Variants in KSR2 observed in about 807,000 individuals in gnomAD.
KSR2 encodes the protein kinase suppressor of ras 2.
Under a neutral mutation model 107.8 loss-of-function variants are expected in KSR2, and 25 were observed. The observed-to-expected ratio is 0.23, with a 90% CI of 0.17 to 0.32. The LOEUF (loss-of-function observed/expected upper bound fraction) is 0.32, where lower values mean the gene tolerates loss of function less well. KSR2 is among the 10% of genes least tolerant of loss of function. The probability of loss-of-function intolerance (pLI) is 1.00; values close to 1 mark genes in which losing one functional copy is unlikely to be tolerated. For synonymous variants in KSR2, 480 were observed against 507.0 expected, an observed-to-expected ratio of 0.95 and a Z score of 0.71; for missense variants, 887 against 1,268.9, an observed-to-expected ratio of 0.70 and a Z score of 4.57.
rs186998311 is a variant in KSR2, at chr12:117,817,972, A to G, written c.472+37456T>C. Among the ~76,000 whole-genome samples the G allele has an allele frequency of 1.5e-3, 231 of 152,196 alleles. 1 individual carries two copies. The highest frequency in any genetic ancestry group is 5.3e-3 in the African/African-American group (222 of 41,540). On this transcript the variant is annotated intron_variant, in intron 3 of 19. Transcript: ENST00000339824. ...AAAAATTAGCCAGGCGTGGTGGTGC[A>G]TGCCTGTAATCCCAGCTACTTGGGA...
chr12:117,577,052 G>A (rs1205439641), intron 7 of KSR2, among the ~76,000 whole-genome samples: 2 of 152,144 alleles, frequency 1.3e-5, no homozygotes, highest in African/African-American at 4.8e-5. Flanking sequence ...ACTGCCAGGT[G>A]GAGGATATGG....
intron 4 of KSR2, among the ~76,000 whole-genome samples, chr12:117,727,805 GA>G: frequency 6.6e-6 from 1 of 152,190 alleles, no homozygotes; most frequent in South Asian, 2.1e-4. Flanking sequence ...GCAACCCGAG[GA>G]AACAAATAAA....
chr12:117,526,895 A>G (rs1875205226), intron 13 of KSR2, among the ~76,000 whole-genome samples, 176 bp downstream of exon 13: 1 of 152,164 alleles, frequency 6.6e-6, no homozygotes, highest in African/African-American at 2.4e-5. Context: ...CATTAGACTC[A>G]GTGCTGGGAG....
chr12:117,560,821 C>A (rs1815715560), intron 7 of KSR2, among the ~76,000 whole-genome samples: 1 of 152,068 alleles, frequency 6.6e-6, no homozygotes, highest in African/African-American at 2.4e-5. Flanking sequence ...TTTAAAGGAG[C>A]CTGGCATCTC....
At chr12:117,784,195 G>A (rs898164371) in intron 3 of KSR2, among the ~76,000 whole-genome samples, 8 of 152,096 alleles carry the variant, frequency 5.3e-5, no homozygotes, top group African/African-American at 1.9e-4. Context: ...ACCTTGAATT[G>A]TCATAATCCC....
intron 4 of KSR2, among the ~76,000 whole-genome samples, chr12:117,702,807 A>G (rs1275291902): frequency 6.6e-6 from 1 of 152,178 alleles, no homozygotes; most frequent in Non-Finnish European, 1.5e-5. Flanking sequence ...TGGCCAGTGC[A>G]CCGTGGCCCT....
At chr12:117,966,609 T>A (rs1219686704) in intron 1 of KSR2, among the ~76,000 whole-genome samples, 47 of 98,314 alleles carry the variant, frequency 4.8e-4, no homozygotes, top group African/African-American at 1.0e-3. Flanking sequence ...TCTCTCTCTC[T>A]CTCACACGCG....
chr12:117,661,256 A>G (rs889623628), intron 5 of KSR2, among the ~76,000 whole-genome samples: 7 of 134,078 alleles, frequency 5.2e-5, no homozygotes, highest in African/African-American at 1.7e-4. Context: ...CTCAGATTCG[A>G]TCCTGTACCA....
chr12:117,592,983 C>T (rs540111509), intron 5 of KSR2, among the ~76,000 whole-genome samples: 8 of 152,242 alleles, frequency 5.3e-5, no homozygotes, highest in East Asian at 1.9e-4. Flanking sequence ...CACCCCCAAA[C>T]CTTCCCTTCA....
In KSR2 at chr12:117,655,379, C is replaced by T. The variant is rs1000996834; in HGVS notation, c.1171+12095G>A. Among the ~76,000 whole-genome samples the T allele has an allele frequency of 4.6e-5, 7 of 152,140 alleles. No homozygotes were observed. The East Asian group carries it at 9.6e-4, about 21-fold the overall frequency. ...TCCTGAAGCAGCTGGATTGATAGAA[C>T]GGTGGAATGGCCTTTTGAAGTCACA... is the stretch of plus-strand genomic sequence containing the variant. On this transcript the variant is annotated intron_variant, in intron 5 of 19. Coordinates refer to ENST00000339824, the MANE Select transcript of KSR2 (RefSeq NM_173598.6).
In KSR2 at chr12:117,885,512, G is replaced by C. The variant is rs568541178; in HGVS notation, c.181-25081C>G. On this transcript the variant is annotated intron_variant, in intron 1 of 19. Transcript: ENST00000339824. Reference sequence around the variant, plus strand: ...CTGCTGGGGTTATCTCTGGGGAAAAGTGTGTGTCTGTTTTTTTATAATATG... The same window carrying C: ...CTGCTGGGGTTATCTCTGGGGAAAACTGTGTGTCTGTTTTTTTATAATATG... 1.3e-3 allele frequency among the ~76,000 whole-genome samples: 199 copies of C among 152,226 alleles called. 1 individual carries two copies. Among genetic ancestry groups the C allele is most frequent in the African/African-American group, 4.5e-3 (187 of 41,528 alleles).
intron 3 of KSR2, among the ~76,000 whole-genome samples, chr12:117,841,628 T>G (rs912533088): frequency 6.6e-6 from 1 of 152,172 alleles, no homozygotes; most frequent in Non-Finnish European, 1.5e-5. Flanking sequence ...TCCCTCAAGC[T>G]GAGCAAATGG....
In KSR2 at chr12:117,476,574, G is replaced by A. The variant is rs762091235; in HGVS notation, c.2472C>T (p.Ile824=). 26 of 1,611,586 alleles carry A rather than the reference G, an allele frequency of 1.6e-5. No homozygotes were observed. The highest frequency in any genetic ancestry group is 2.2e-5 in the Non-Finnish European group (26 of 1,179,108). ...QAGRREDKLR[I]QNGWLCHLAP... ...CCAGGTGGCATAGCCAGCCATTCTG[G>A]ATGCGCAGTTTGTCCTCCCGCCTGG... Residue 824 remains isoleucine, a synonymous_variant, in exon 17 of 20, where the codon ATC becomes ATT. Coordinates refer to ENST00000339824, the MANE Select transcript of KSR2 (RefSeq NM_173598.6).
At chr12:117,616,175 A>AAC (rs1881877137) in intron 5 of KSR2, among the ~76,000 whole-genome samples, 1 of 151,394 alleles carries the variant, frequency 6.6e-6, no homozygotes, top group South Asian at 2.1e-4. Context: ...AAAAAAAAAA[A>AAC]CAGATTTTAA....
intron 1 of KSR2, among the ~76,000 whole-genome samples, chr12:117,909,137 G>A (rs1243813893): frequency 1.3e-5 from 2 of 152,028 alleles, no homozygotes; most frequent in African/African-American, 2.4e-5. Flanking sequence ...CCAGCAGGCA[G>A]CATTCCAACA....
chr12:117,936,410 G>T (rs1895838145), intron 1 of KSR2, among the ~76,000 whole-genome samples: 1 of 151,576 alleles, frequency 6.6e-6, no homozygotes, highest in African/African-American at 2.4e-5. Context: ...CACTGCAGCT[G>T]CAAATTCCTG....
At chr12:117,635,666 A>G (rs573968869) in intron 5 of KSR2, among the ~76,000 whole-genome samples, 22 of 152,346 alleles carry the variant, frequency 1.4e-4, no homozygotes, top group Admixed American at 3.9e-4. Flanking sequence ...ATACTTTCAG[A>G]TTTACAGAAA....
Position 117,696,894 on chromosome 12 carries a change from C to T in KSR2, c.987-29236G>A, listed in dbSNP as rs182636299. 1.3e-3 allele frequency among the ~76,000 whole-genome samples: 205 copies of T among 152,254 alleles called. 1 individual carries two copies. The highest frequency in any genetic ancestry group is 5.6e-3 in the Admixed American group (85 of 15,298). On this transcript the variant is annotated intron_variant, in intron 4 of 19. Transcript: ENST00000339824. Reference sequence around the variant, plus strand: ...CCTCCCTGGGTCGCTGGGAGGGTTTCCTGAGACTGGACGTGTTAAGCTGGG... The same window carrying T: ...CCTCCCTGGGTCGCTGGGAGGGTTTTCTGAGACTGGACGTGTTAAGCTGGG...
intron 1 of KSR2, among the ~76,000 whole-genome samples, chr12:117,950,766 A>T (rs1379533135): frequency 1.3e-5 from 2 of 148,732 alleles, no homozygotes; most frequent in African/African-American, 4.9e-5. Flanking sequence ...AATAATAATA[A>T]TAATGATAAT....
Sources: gnomAD v4.1 joint callset for allele counts (sites outside exome capture counted in the v4.1 genomes callset) on GRCh38, gnomAD v4.1.1 for gene constraint, MANE v1.5 for transcripts, NCBI Gene and HGNC (gene_info 2026-07-23, HGNC 2026-07-21) for gene names.